Variants in XNDC1N observed in about 807,000 individuals in gnomAD.
The protein encoded by XNDC1N is XRCC1 N-terminal domain containing 1, N-terminal like, also known as protein XNDC1N.
chr11:71,925,740 C>A, the XNDC1N span, among the ~76,000 whole-genome samples: 1 of 149,032 alleles, frequency 6.7e-6, no homozygotes, highest in Non-Finnish European at 1.5e-5. Flanking sequence ...ATTAGCCGGA[C>A]GTGGTGGCGG....
the XNDC1N span, among the ~76,000 whole-genome samples, chr11:71,885,985 A>C: frequency 4.8e-5 from 7 of 145,078 alleles, no homozygotes; most frequent in Admixed American, 6.8e-5. Flanking sequence ...TATTAGTGTC[A>C]ATTAATAATT....
chr11:71,885,291 A>C, the XNDC1N span, among the ~76,000 whole-genome samples: 2 of 152,114 alleles, frequency 1.3e-5, no homozygotes, highest in Non-Finnish European at 1.5e-5. Context: ...TATTGAAAGT[A>C]ATATCACATT....
the XNDC1N span, among the ~76,000 whole-genome samples, chr11:71,891,652 A>C: frequency 6.6e-6 from 1 of 152,130 alleles, no homozygotes; most frequent in Non-Finnish European, 1.5e-5. Flanking sequence ...AGAATATCAC[A>C]GGGGTGCTGT....
the XNDC1N span, among the ~76,000 whole-genome samples, chr11:71,884,775 T>C: frequency 2.0e-5 from 3 of 152,256 alleles, no homozygotes; most frequent in Non-Finnish European, 2.9e-5. Flanking sequence ...AGCCACATTG[T>C]TGTTTCACCC....
At chr11:71,883,833 C>A in the XNDC1N span, among the ~76,000 whole-genome samples, 3 of 152,184 alleles carry the variant, frequency 2.0e-5, no homozygotes, top group African/African-American at 7.2e-5. Flanking sequence ...AGCCCGAATA[C>A]ACTGGGAAGC....
chr11:71,895,958 T>C, the XNDC1N span, among the ~76,000 whole-genome samples: 2 of 152,198 alleles, frequency 1.3e-5, no homozygotes, highest in African/African-American at 2.4e-5. Context: ...AAATATTTCA[T>C]GTCCTCACTT....
chr11:71,898,554 G>A, the XNDC1N span, among the ~76,000 whole-genome samples: 1 of 151,922 alleles, frequency 6.6e-6, no homozygotes, highest in Admixed American at 6.6e-5. Context: ...TTGCAGTGAG[G>A]CGACATCACG....
At chr11:71,892,732 G>A in the XNDC1N span, among the ~76,000 whole-genome samples, 3 of 152,058 alleles carry the variant, frequency 2.0e-5, no homozygotes, top group Middle Eastern at 6.8e-3. Context: ...GGTTGGTCAG[G>A]CTGGTCTGGA....
the XNDC1N span, among the ~76,000 whole-genome samples, chr11:71,897,551 G>A: frequency 6.6e-6 from 1 of 152,194 alleles, no homozygotes; most frequent in Non-Finnish European, 1.5e-5. Context: ...GGATGGATGT[G>A]ATAAACAAAC....
chr11:71,924,839 A>G, the XNDC1N span, among the ~76,000 whole-genome samples: 1 of 152,160 alleles, frequency 6.6e-6, no homozygotes, highest in South Asian at 2.1e-4. Context: ...TGCTGAAAGG[A>G]GTTTTTAAAG....
the XNDC1N span, among the ~76,000 whole-genome samples, chr11:71,883,035 C>T: frequency 0.028 from 4,294 of 151,912 alleles, 196 homozygotes; most frequent in African/African-American, 0.099. Flanking sequence ...ATAAACTTAA[C>T]CAAAAGATGA....
At chr11:71,882,265 T>G in the XNDC1N span, among the ~76,000 whole-genome samples, 2 of 149,006 alleles carry the variant, frequency 1.3e-5, no homozygotes, top group Admixed American at 1.3e-4. Flanking sequence ...CAAAATTATC[T>G]TTTTTTTTTA....
At chr11:71,898,102 G>T in the XNDC1N span, among the ~76,000 whole-genome samples, 1 of 151,826 alleles carries the variant, frequency 6.6e-6, no homozygotes, top group African/African-American at 2.4e-5. Context: ...AAGAATCGCT[G>T]GAACCCAGGA....
chr11:71,889,282 G>A, the XNDC1N span, among the ~76,000 whole-genome samples: 3 of 152,222 alleles, frequency 2.0e-5, no homozygotes, highest in African/African-American at 7.2e-5. Flanking sequence ...ATCTTGCAAT[G>A]ATTAGAAGCA....
chr11:71,887,498 A>G, the XNDC1N span, among the ~76,000 whole-genome samples: 3 of 152,008 alleles, frequency 2.0e-5, no homozygotes, highest in East Asian at 5.9e-4. Context: ...GAGCCAGGCC[A>G]AGAGAGAAGA....
chr11:71,867,338 T>C, the XNDC1N span, among the ~76,000 whole-genome samples: 1 of 152,206 alleles, frequency 6.6e-6, no homozygotes, highest in African/African-American at 2.4e-5. Context: ...AATGTCTTTG[T>C]GGGAACATCA....
At chr11:71,883,049 A>T in the XNDC1N span, among the ~76,000 whole-genome samples, 1 of 152,198 alleles carries the variant, frequency 6.6e-6, no homozygotes, top group Admixed American at 6.5e-5. Context: ...AAGATGAAAG[A>T]CTGGTACATT....
the XNDC1N span, among the ~76,000 whole-genome samples, chr11:71,876,167 T>C: frequency 2.7e-3 from 408 of 152,314 alleles, no homozygotes; most frequent in African/African-American, 9.2e-3. Context: ...TATAAATTGT[T>C]TATTGAAAAT....
chr11:71,908,911 T>C, the XNDC1N span, among the ~76,000 whole-genome samples: 5 of 152,078 alleles, frequency 3.3e-5, no homozygotes, highest in Non-Finnish European at 5.9e-5. Flanking sequence ...AGAGGGGATA[T>C]GCAAAGGCTA....
Sources: gnomAD v4.1 joint callset for allele counts (sites outside exome capture counted in the v4.1 genomes callset) on GRCh38, gnomAD v4.1.1 for gene constraint, MANE v1.5 for transcripts, NCBI Gene and HGNC (gene_info 2026-07-23, HGNC 2026-07-21) for gene names.